Variants in PKD1L3 observed in about 807,000 individuals in gnomAD.
PKD1L3 encodes the protein polycystin-1-like protein 3.
A neutral mutation model predicts 184.1 loss-of-function variants in PKD1L3; 239 were observed. The ratio of observed to expected loss-of-function variants is 1.30; its 90% CI spans 1.17 to 1.45. The LOEUF (loss-of-function observed/expected upper bound fraction) is 1.45, where lower values mean the gene tolerates loss of function less well. Ranked by LOEUF, PKD1L3 falls within the 40% of genes most tolerant of loss-of-function variation. The probability of loss-of-function intolerance (pLI) is 0.00; values close to 1 mark genes in which losing one functional copy is unlikely to be tolerated. For missense variants in PKD1L3, 2,660 were observed against 2,067.2 expected (o/e 1.29, Z -5.56); for synonymous variants, 996 against 778.8 (o/e 1.28, Z -4.64).
chr16:71,998,868 A>G (rs901417758), intron 1 of PKD1L3, among the ~76,000 whole-genome samples: 1 of 152,196 alleles, frequency 6.6e-6, no homozygotes, highest in Non-Finnish European at 1.5e-5. Context: ...GTTCCTTACC[A>G]CAAGGCTTAG....
rs563870326 is a variant in PKD1L3, at chr16:71,950,449, T to G, written c.3191-139A>C. On this transcript the variant is annotated intron_variant, in intron 19 of 29. Coordinates refer to ENST00000620267, the MANE Select transcript of PKD1L3 (RefSeq NM_181536.2). ...GCAGAGATTGGACCGTACCCCACAT[T>G]TGCAGTACTACCATCTTCTCTAAGG... The G allele has an allele frequency of 6.9e-5, 48 of 700,510 alleles. No individual in the cohort carries two copies. The African/African-American group carries it at 8.1e-4, about 12-fold the overall frequency. The allele number at this position is 700,510 out of a possible 1,614,324, so 43.4% of individuals were successfully genotyped here.
chr16:71,997,855 C>A (rs1196536364), intron 2 of PKD1L3, among the ~76,000 whole-genome samples: 1 of 152,188 alleles, frequency 6.6e-6, no homozygotes, highest in Non-Finnish European at 1.5e-5. Flanking sequence ...TCTACTTCTG[C>A]AGAGGCGAAC....
At chr16:71,993,064 A>T (rs887721184) in intron 3 of PKD1L3, among the ~76,000 whole-genome samples, 152 bp downstream of exon 3, 2 of 152,244 alleles carry the variant, frequency 1.3e-5, no homozygotes, top group African/African-American at 4.8e-5. Flanking sequence ...AAATGAAGGC[A>T]AAGACTGCCA....
chr16:71,973,595 T>G (rs1567531847), intron 11 of PKD1L3, 78 bp from the exon 12 acceptor site: 2 of 1,263,280 alleles, frequency 1.6e-6, no homozygotes, highest in Non-Finnish European at 2.2e-6. Context: ...AAAGGATCTA[T>G]TATTAATATT....
intron 16 of PKD1L3, among the ~76,000 whole-genome samples, chr16:71,962,393 G>C (rs1597327234): frequency 6.6e-6 from 1 of 152,106 alleles, no homozygotes; most frequent in South Asian, 2.1e-4. Context: ...AAAGATACAT[G>C]GATACCTAGA....
chr16:71,952,371 C>T (rs2038870187), intron 18 of PKD1L3, among the ~76,000 whole-genome samples: 1 of 151,300 alleles, frequency 6.6e-6, no homozygotes, highest in African/African-American at 2.4e-5. Context: ...TGCCATCACG[C>T]CTGGCTAATT....
chr16:71,958,192 C>A (rs1232356311), intron 16 of PKD1L3, among the ~76,000 whole-genome samples: 3 of 151,256 alleles, frequency 2.0e-5, no homozygotes, highest in African/African-American at 7.3e-5. Flanking sequence ...TCGAGACCAT[C>A]CCGGCTAAAA....
chr16:71,952,545 T>A (rs942230403), intron 18 of PKD1L3, among the ~76,000 whole-genome samples: 1 of 148,502 alleles, frequency 6.7e-6, no homozygotes. Context: ...TCTGTAAAAT[T>A]TGATACTGGC....
chr16:71,934,431 C>G (rs1463606327), intron 26 of PKD1L3, among the ~76,000 whole-genome samples: 1 of 152,172 alleles, frequency 6.6e-6, no homozygotes, highest in Non-Finnish European at 1.5e-5. Flanking sequence ...AAACCAGCCT[C>G]CTGCACTGCT....
At chr16:71,933,573 A>T (rs1455387625) in intron 27 of PKD1L3, 52 bp from the exon 28 acceptor site, 7 of 1,314,948 alleles carry the variant, frequency 5.3e-6, no homozygotes. Flanking sequence ...ACATCTTTCT[A>T]TCCTGAGGTG....
intron 22 of PKD1L3, among the ~76,000 whole-genome samples, chr16:71,945,366 A>G (rs1402226731): frequency 1.7e-5 from 1 of 58,910 alleles, no homozygotes; most frequent in Non-Finnish European, 3.4e-5. Flanking sequence ...GTATTTATAT[A>G]CACACACGCA....
intron 22 of PKD1L3, among the ~76,000 whole-genome samples, chr16:71,946,049 C>T (rs1434075140): frequency 1.3e-5 from 2 of 152,168 alleles, no homozygotes; most frequent in Non-Finnish European, 2.9e-5. Flanking sequence ...ACCTCCGCCT[C>T]CCAGGTTCAA....
intron 22 of PKD1L3, among the ~76,000 whole-genome samples, chr16:71,944,900 T>C (rs933343074): frequency 1.1e-4 from 16 of 151,508 alleles, no homozygotes; most frequent in Non-Finnish European, 2.1e-4. Flanking sequence ...GGTTTTGCCA[T>C]GTTGCCCAGG....
At chr16:71,984,767 G>C (rs2040294451) in intron 5 of PKD1L3, among the ~76,000 whole-genome samples, 1 of 152,188 alleles carries the variant, frequency 6.6e-6, no homozygotes, top group Admixed American at 6.5e-5. Flanking sequence ...GCTGAGGCAG[G>C]AGAATCTCTT....
intron 24 of PKD1L3, among the ~76,000 whole-genome samples, chr16:71,942,160 C>A (rs1597287932): frequency 1.3e-5 from 2 of 151,698 alleles, no homozygotes; most frequent in African/African-American, 4.8e-5. Flanking sequence ...TATGTAAATA[C>A]ATAAATTGTA....
intron 22 of PKD1L3, among the ~76,000 whole-genome samples, chr16:71,945,892 G>A (rs2038584853): frequency 6.6e-6 from 1 of 152,142 alleles, no homozygotes; most frequent in Admixed American, 6.6e-5. Flanking sequence ...GGGGAAAAAA[G>A]TCTCTTTTAG....
rs1351063198 is a variant in PKD1L3 at position 72,000,283 on chromosome 16, G to C, written c.-305C>G. Among the ~76,000 whole-genome samples the C allele has an allele frequency of 1.3e-5, 2 of 152,176 alleles. No homozygotes were observed. The highest frequency in any genetic ancestry group is 2.1e-4 in the South Asian group (1 of 4,828). Reference sequence around the variant, plus strand: ...AGCTGAGTCTAAGCTGCACTGGGTAGAGGATGATGAATATCTAACATCTAA... The same window carrying C: ...AGCTGAGTCTAAGCTGCACTGGGTACAGGATGATGAATATCTAACATCTAA... On this transcript the variant is annotated 5_prime_UTR_variant, in exon 1 of 30. Coordinates refer to ENST00000620267, the MANE Select transcript of PKD1L3 (RefSeq NM_181536.2).
At chr16:71,977,059 A>G (rs1448737876) in intron 11 of PKD1L3, among the ~76,000 whole-genome samples, 177 bp downstream of exon 11, 1 of 152,216 alleles carries the variant, frequency 6.6e-6, no homozygotes, top group Non-Finnish European at 1.5e-5. Flanking sequence ...ATTTTTTTTA[A>G]GAAATTAGCC....
At chr16:71,965,238 T>C (rs753503814) in intron 15 of PKD1L3, among the ~76,000 whole-genome samples, 7 of 152,220 alleles carry the variant, frequency 4.6e-5, no homozygotes, top group Non-Finnish European at 1.0e-4. Flanking sequence ...TCCTTTTCGT[T>C]GAGTAGTATT....
Sources: gnomAD v4.1 joint callset for allele counts (sites outside exome capture counted in the v4.1 genomes callset) on GRCh38, gnomAD v4.1.1 for gene constraint, MANE v1.5 for transcripts, NCBI Gene and HGNC (gene_info 2026-07-23, HGNC 2026-07-21) for gene names.